Variants in SGIP1 observed in about 807,000 individuals in gnomAD.
The protein encoded by SGIP1 is SH3-containing GRB2-like protein 3-interacting protein 1.
A neutral mutation model predicts 107.5 loss-of-function variants in SGIP1; 38 were observed. That is an observed-to-expected ratio of 0.35 (90% CI 0.27 to 0.46). The LOEUF is 0.46. Among genes scored for constraint, SGIP1 ranks in the 20% least tolerant of loss-of-function variants. The pLI is 1.00. For synonymous variants in SGIP1, 365 were observed against 366.1 expected (o/e 1.00, Z 0.03); for missense variants, 929 against 1,019.5 (o/e 0.91, Z 1.21).
Position 66,643,663 on chromosome 1 carries a change from A to G in SGIP1, c.403A>G (p.Thr135Ala). ...TAAAGACATTCTTAAGAATGCTGCA[A>G]CTGTAGATGAATTGAAGGCATCAAT... ...QSKDILKNAATVDELKASIGN... is the reference protein window; with the variant it reads ...QSKDILKNAAAVDELKASIGN... Residue 135 changes from threonine to alanine, a missense_variant, in exon 7 of 25, where the codon ACT becomes GCT. Thr to Ala is a moderately conservative substitution (Grantham distance 58, BLOSUM62 0). Around this residue, in one of 2 missense-constraint regions of SGIP1, gnomAD observed 588 missense variants for 588.6 expected, o/e 1.00. Coordinates refer to ENST00000371037, the MANE Select transcript of SGIP1 (RefSeq NM_032291.4). 6.2e-7 allele frequency: 1 copy of G among 1,612,356 alleles called. No individual in the cohort carries two copies. Among genetic ancestry groups the G allele is most frequent in the Non-Finnish European group, 8.5e-7 (1 of 1,179,402 alleles).
At chr1:66,561,288 T>C (rs1456385713) in intron 1 of SGIP1, among the ~76,000 whole-genome samples, 2 of 152,058 alleles carry the variant, frequency 1.3e-5, no homozygotes, top group Non-Finnish European at 2.9e-5. Flanking sequence ...TGGAACTCAG[T>C]CAAGTAGACT....
chr1:66,689,368 G>C, intron 16 of SGIP1, 93 bp downstream of exon 16: 1 of 1,467,882 alleles, frequency 6.8e-7, no homozygotes, highest in Non-Finnish European at 9.2e-7. Context: ...TAGAGAACTC[G>C]TACAAACAAC....
chr1:66,684,042 T>C, intron 15 of SGIP1: 1 of 1,543,192 alleles, frequency 6.5e-7, no homozygotes, highest in Non-Finnish European at 8.7e-7. Context: ...CCCTAAATGC[T>C]TTTTGTACAT....
chr1:66,589,103 T>A (rs2063139500), intron 1 of SGIP1, among the ~76,000 whole-genome samples: 1 of 146,572 alleles, frequency 6.8e-6, no homozygotes, highest in Admixed American at 6.8e-5. Flanking sequence ...TATGTCATCA[T>A]TAATTTTTTC....
intron 1 of SGIP1, among the ~76,000 whole-genome samples, chr1:66,615,726 A>T (rs371182930): frequency 6.6e-6 from 1 of 152,314 alleles, no homozygotes; most frequent in South Asian, 2.1e-4. Flanking sequence ...AGGACCATTA[A>T]TTTAAATGCT....
chr1:66,714,139 C>A (rs2093090317), intron 18 of SGIP1, among the ~76,000 whole-genome samples: 1 of 152,124 alleles, frequency 6.6e-6, no homozygotes, highest in African/African-American at 2.4e-5. Context: ...ATGTTAAGTA[C>A]TTCACAAATG....
intron 1 of SGIP1, among the ~76,000 whole-genome samples, chr1:66,563,024 A>T (rs3795531): frequency 0.14 from 21,706 of 152,022 alleles, 1,949 homozygotes; most frequent in East Asian, 0.32. Flanking sequence ...GGTATTTATA[A>T]GAAATTGAAG....
At chr1:66,680,388 T>C (rs2086411908) in intron 14 of SGIP1, among the ~76,000 whole-genome samples, 1 of 152,250 alleles carries the variant, frequency 6.6e-6, no homozygotes, top group Non-Finnish European at 1.5e-5. Context: ...CAAGTCTTAC[T>C]GGACTAGCAA....
At chr1:66,592,648 A>T (rs924144007) in intron 1 of SGIP1, among the ~76,000 whole-genome samples, 13 of 152,186 alleles carry the variant, frequency 8.5e-5, no homozygotes, top group African/African-American at 3.1e-4. Context: ...TTAGTGGTGT[A>T]CATTCTATAG....
intron 1 of SGIP1, among the ~76,000 whole-genome samples, chr1:66,581,579 A>G (rs1435061561): frequency 6.6e-6 from 1 of 152,042 alleles, no homozygotes; most frequent in Non-Finnish European, 1.5e-5. Context: ...TTATGATTAA[A>G]TCCATCTCTA....
At chr1:66,694,250 A>G (rs964098084) in intron 17 of SGIP1, among the ~76,000 whole-genome samples, 2 of 150,986 alleles carry the variant, frequency 1.3e-5, no homozygotes, top group African/African-American at 4.9e-5. Context: ...ATTTCCTCTC[A>G]TAGAATCATC....
At chr1:66,733,686 T>C in intron 20 of SGIP1, 62 bp from the exon 21 acceptor site, 1 of 1,547,360 alleles carries the variant, frequency 6.5e-7, no homozygotes, top group Non-Finnish European at 8.7e-7. Context: ...CTAAGATGCT[T>C]CGTGTAGGGT....
chr1:66,616,930 C>G (rs1360852028), intron 1 of SGIP1, among the ~76,000 whole-genome samples: 3 of 152,266 alleles, frequency 2.0e-5, no homozygotes, highest in South Asian at 4.2e-4. Context: ...TCATTTATAT[C>G]AGACCCTTTT....
At chr1:66,619,391 G>A (rs750620526) in intron 1 of SGIP1, among the ~76,000 whole-genome samples, 37 of 152,246 alleles carry the variant, frequency 2.4e-4, no homozygotes, top group Admixed American at 3.9e-4. Context: ...TGCTTTCAAA[G>A]ACGGAACGCC....
chr1:66,630,841 A>AAGAGAGAGAGAGAGAGAG lies in SGIP1; in HGVS notation c.75-2226_75-2225insGAGAGAGAGAGAGAGAGA, dbSNP rs1427132139. 1.2e-3 allele frequency among the ~76,000 whole-genome samples: 21 copies of AAGAGAGAGAGAGAGAGAG among 17,966 alleles called. 3 individuals are homozygous for AAGAGAGAGAGAGAGAGAG. In the East Asian group the frequency reaches 0.016, roughly 14 times the overall value. 11.8% of individuals were successfully genotyped at this position (17,966 alleles called of 152,430 possible). ...AAAGAAAGAAAGAAAGAAAGAAAGA[A>AAGAGAGAGAGAGAGAGAG]AGAAAGAAAGAAAGAAAGAAAGAAA... On this transcript the variant is annotated intron_variant, in intron 2 of 24. Coordinates refer to ENST00000371037, the MANE Select transcript of SGIP1 (RefSeq NM_032291.4).
At chr1:66,695,278 A>C (rs1368833938) in intron 17 of SGIP1, 156 bp from the exon 18 acceptor site, 5 of 1,344,378 alleles carry the variant, frequency 3.7e-6, no homozygotes, top group African/African-American at 1.5e-5. Flanking sequence ...AAAAGTGTAG[A>C]TTGCCAGCCT....
At chr1:66,609,698 G>A (rs1558058360) in intron 1 of SGIP1, among the ~76,000 whole-genome samples, 1 of 152,208 alleles carries the variant, frequency 6.6e-6, no homozygotes, top group East Asian at 1.9e-4. Context: ...AGAGACTAGA[G>A]CTAGCCTCTG....
chr1:66,667,621 A>G, intron 9 of SGIP1, 80 bp downstream of exon 9: 1 of 1,309,438 alleles, frequency 7.6e-7, no homozygotes, highest in African/African-American at 1.4e-5. Flanking sequence ...TTGGTTTCCC[A>G]TTAAATTTAT....
chr1:66,543,220 A>C (rs2055440003), intron 1 of SGIP1, among the ~76,000 whole-genome samples: 1 of 151,608 alleles, frequency 6.6e-6, no homozygotes, highest in Non-Finnish European at 1.5e-5. Flanking sequence ...CTAAACTTTC[A>C]CAGCTTACCT....
Sources: allele counts gnomAD v4.1 joint callset (sites outside exome capture counted in the v4.1 genomes callset), GRCh38; gene constraint gnomAD v4.1.1; regional missense constraint gnomAD v4.1.1; transcripts MANE v1.5; gene names NCBI Gene and HGNC (gene_info 2026-07-23, HGNC 2026-07-21).